CPA6: variants seen among roughly 807,000 people sequenced by gnomAD.
CPA6 encodes carboxypeptidase B.
In CPA6, 58 loss-of-function variants were observed where a neutral mutation model predicts 63.3. The observed-to-expected ratio is 0.92, with a 90% CI of 0.74 to 1.14. The LOEUF (loss-of-function observed/expected upper bound fraction) is 1.14, where lower values mean the gene tolerates loss of function less well. Among genes scored for constraint, CPA6 ranks in the 50% most tolerant of loss-of-function variants. The pLI, the probability that CPA6 is intolerant of heterozygous loss-of-function variation, is 0.00. For synonymous variants in CPA6, 185 were observed against 179.0 expected (o/e 1.03, Z -0.27); for missense variants, 565 against 526.6 (o/e 1.07, Z -0.71).
intron 1 of CPA6, among the ~76,000 whole-genome samples, chr8:67,654,821 TAC>T (rs1815944064): frequency 6.6e-6 from 1 of 152,192 alleles, no homozygotes; most frequent in South Asian, 2.1e-4. Context: ...CCTCTTTTTC[TAC>T]ACTGCCCCAG....
chr8:67,569,078 T>C (rs1291957170), intron 2 of CPA6, among the ~76,000 whole-genome samples: 4 of 152,020 alleles, frequency 2.6e-5, no homozygotes, highest in Non-Finnish European at 5.9e-5. Context: ...AAATAATGAA[T>C]GAAAACTTTC....
intron 4 of CPA6, among the ~76,000 whole-genome samples, chr8:67,511,059 G>C (rs1812033694): frequency 6.6e-6 from 1 of 152,066 alleles, no homozygotes; most frequent in African/African-American, 2.4e-5. Context: ...GGATGAGGTG[G>C]CTGTCAGTTC....
chr8:67,556,380 A>G (rs1036946261), intron 2 of CPA6, among the ~76,000 whole-genome samples: 2 of 152,178 alleles, frequency 1.3e-5, no homozygotes, highest in Admixed American at 6.5e-5. Context: ...CTACCTGCAG[A>G]AGAAGCTGAC....
At chr8:67,723,549 A>G (rs1227904078) in intron 1 of CPA6, among the ~76,000 whole-genome samples, 2 of 152,200 alleles carry the variant, frequency 1.3e-5, no homozygotes, top group Admixed American at 6.5e-5. Context: ...ACTATATGAC[A>G]GTTCCAGTTG....
At chr8:67,694,319 G>C (rs1052822715) in intron 1 of CPA6, among the ~76,000 whole-genome samples, 4 of 152,312 alleles carry the variant, frequency 2.6e-5, no homozygotes, top group African/African-American at 9.6e-5. Flanking sequence ...TTAGAGAAAG[G>C]CCTTGCCATT....
chr8:67,559,982 T>A (rs1228663484), intron 2 of CPA6, among the ~76,000 whole-genome samples: 1 of 151,916 alleles, frequency 6.6e-6, no homozygotes, highest in Admixed American at 6.6e-5. Flanking sequence ...TCTCTCAATC[T>A]GGAAAAAGCC....
intron 2 of CPA6, among the ~76,000 whole-genome samples, chr8:67,566,562 T>A (rs916382779): frequency 5.9e-5 from 9 of 152,244 alleles, no homozygotes; most frequent in African/African-American, 2.2e-4. Context: ...CATTTAGATA[T>A]CTAGTCCCTA....
chr8:67,463,989 G>A (rs1394105588), intron 8 of CPA6, among the ~76,000 whole-genome samples: 1 of 152,224 alleles, frequency 6.6e-6, no homozygotes, highest in Non-Finnish European at 1.5e-5. Context: ...GCGAGCGCAT[G>A]TGTCTTTTGG....
chr8:67,438,433 T>C (rs758774748), intron 8 of CPA6, among the ~76,000 whole-genome samples: 6 of 152,250 alleles, frequency 3.9e-5, no homozygotes, highest in Non-Finnish European at 8.8e-5. Context: ...CCAATGTTTT[T>C]ATTAAAAAGG....
At chr8:67,594,024 G>A (rs1814216588) in intron 2 of CPA6, among the ~76,000 whole-genome samples, 2 of 151,358 alleles carry the variant, frequency 1.3e-5, no homozygotes, top group Admixed American at 1.3e-4. Context: ...GCTGGTACTG[G>A]TTGTGCCTTT....
At chr8:67,438,406 C>CA (rs77258391) in intron 8 of CPA6, among the ~76,000 whole-genome samples, 24,685 of 152,184 alleles carry the variant, frequency 0.16, 2,182 homozygotes, top group East Asian at 0.32. Flanking sequence ...TTTTCAACAG[C>CA]AACATGAGTA....
chr8:67,612,374 A>G (rs573097861), intron 2 of CPA6, among the ~76,000 whole-genome samples: 2 of 152,284 alleles, frequency 1.3e-5, no homozygotes, highest in South Asian at 2.1e-4. Context: ...TGTGCTCCCA[A>G]TATCACCTCT....
intron 1 of CPA6, among the ~76,000 whole-genome samples, chr8:67,744,761 T>C (rs143923732): frequency 2.8e-4 from 43 of 152,278 alleles, no homozygotes; most frequent in African/African-American, 1.0e-3. Context: ...TGAGATCTTG[T>C]ATGTCCAGGC....
Position 67,603,698 on chromosome 8 carries a change from C to G in CPA6, c.192+20478G>C, listed in dbSNP as rs887166048. 2.0e-5 allele frequency among the ~76,000 whole-genome samples: 3 copies of G among 152,184 alleles called. No individual in the cohort carries two copies. In the South Asian group the frequency reaches 6.2e-4, roughly 31 times the overall value. On this transcript the variant is annotated intron_variant, in intron 2 of 10. Coordinates refer to ENST00000297770, the MANE Select transcript of CPA6 (RefSeq NM_020361.5). Reference sequence around the variant, plus strand: ...TTCGTAAGATAGTCTGAAAAAAGTACCCAGGCAAATTAGATTTTTCCCATC... The same window carrying G: ...TTCGTAAGATAGTCTGAAAAAAGTAGCCAGGCAAATTAGATTTTTCCCATC...
At chr8:67,613,360 T>C (rs186396601) in intron 2 of CPA6, among the ~76,000 whole-genome samples, 1 of 152,308 alleles carries the variant, frequency 6.6e-6, no homozygotes, top group Admixed American at 6.5e-5. Context: ...ACTCAAGCAA[T>C]ATTTGTTGAC....
chr8:67,441,212 G>A (rs1427906409), intron 8 of CPA6, among the ~76,000 whole-genome samples: 2 of 152,050 alleles, frequency 1.3e-5, no homozygotes, highest in African/African-American at 2.4e-5. Flanking sequence ...TCTACTCTTG[G>A]CAATATTACT....
intron 8 of CPA6, among the ~76,000 whole-genome samples, chr8:67,468,482 A>T (rs903548671): frequency 2.0e-5 from 3 of 152,032 alleles, no homozygotes; most frequent in South Asian, 2.1e-4. Context: ...GCTACTCGGG[A>T]GGCTGAGGCA....
chr8:67,487,350 G>C (rs111825052), intron 6 of CPA6, among the ~76,000 whole-genome samples: 16,115 of 152,076 alleles, frequency 0.11, 2,247 homozygotes, highest in African/African-American at 0.32. Flanking sequence ...ATGGTTTCCA[G>C]CTTCATCCAT....
chr8:67,609,624 T>C (rs1388953492), intron 2 of CPA6, among the ~76,000 whole-genome samples: 1 of 152,234 alleles, frequency 6.6e-6, no homozygotes, highest in Non-Finnish European at 1.5e-5. Flanking sequence ...AGAAACAATG[T>C]TGTGTTTTAT....
Sources: gnomAD v4.1 joint callset for allele counts (sites outside exome capture counted in the v4.1 genomes callset) on GRCh38, gnomAD v4.1.1 for gene constraint, MANE v1.5 for transcripts, NCBI Gene and HGNC (gene_info 2026-07-23, HGNC 2026-07-21) for gene names.